Variants in ULK4 observed in about 807,000 individuals in gnomAD.
ULK4 encodes the protein inactive serine/threonine-protein kinase ULK4.
ULK4 carries 133 observed loss-of-function variants against 160.6 expected under a neutral mutation model. That is an observed-to-expected ratio of 0.83 (90% CI 0.72 to 0.96). ULK4 has a LOEUF of 0.96. ULK4 is among the 40% of genes least tolerant of loss of function. The pLI is 0.00. For synonymous variants in ULK4, 534 were observed against 539.8 expected (o/e 0.99, Z 0.15); for missense variants, 1,580 against 1,499.5 (o/e 1.05, Z -0.89).
chr3:41,481,549 C>T (rs1329967520), intron 32 of ULK4, among the ~76,000 whole-genome samples: 15 of 152,086 alleles, frequency 9.9e-5, no homozygotes, highest in Non-Finnish European at 4.4e-5. Flanking sequence ...CATTCCTGGC[C>T]GGGCGCGGTG....
At chr3:41,423,216 G>A (rs1055586303) in intron 34 of ULK4, among the ~76,000 whole-genome samples, 2 of 152,126 alleles carry the variant, frequency 1.3e-5, no homozygotes, top group Non-Finnish European at 2.9e-5. Context: ...GTAAACAGGG[G>A]TTACACTGGG....
chr3:41,284,889 A>C (rs927932406), intron 35 of ULK4, among the ~76,000 whole-genome samples: 1 of 152,204 alleles, frequency 6.6e-6, no homozygotes. Context: ...CACTCAAACA[A>C]ATCAGTATGA....
Position 41,285,377 on chromosome 3 carries a change from G to GTA in ULK4, c.3679-35805_3679-35804dup, listed in dbSNP as rs751335514. 6.6e-3 allele frequency among the ~76,000 whole-genome samples: 998 copies of GTA among 151,658 alleles called. 7 individuals carry two copies. The highest frequency in any genetic ancestry group is 0.021 in the African/African-American group (889 of 41,390). ...TCAACGAGTGGATAAAGAAACTGTG[G>GTA]TATATATATATATGATGGAATACTA... On this transcript the variant is annotated intron_variant, in intron 35 of 36. Transcript: ENST00000301831.
chr3:41,766,181 T>C (rs1200802728), intron 21 of ULK4, among the ~76,000 whole-genome samples: 2 of 151,682 alleles, frequency 1.3e-5, no homozygotes, highest in South Asian at 4.2e-4. Context: ...AGGCAGAGAA[T>C]TGCTTGAACC....
chr3:41,817,239 C>T (rs7648578), intron 19 of ULK4, among the ~76,000 whole-genome samples: 48,017 of 152,052 alleles, frequency 0.32, 11,167 homozygotes, highest in African/African-American at 0.66. Flanking sequence ...ATTCCATTTA[C>T]ATAGAGTTCA....
intron 35 of ULK4, among the ~76,000 whole-genome samples, chr3:41,355,038 A>C (rs2081000886): frequency 6.6e-6 from 1 of 152,220 alleles, no homozygotes; most frequent in Admixed American, 6.5e-5. Flanking sequence ...ACTGGAAAGT[A>C]GCTAGAAAAC....
intron 31 of ULK4, among the ~76,000 whole-genome samples, chr3:41,580,712 G>A (rs917998050): frequency 6.6e-6 from 1 of 152,150 alleles, no homozygotes; most frequent in Non-Finnish European, 1.5e-5. Context: ...CCTCATCCGG[G>A]TGCACAGCTG....
At chr3:41,480,876 A>T (rs1409589228) in intron 32 of ULK4, among the ~76,000 whole-genome samples, 1 of 152,156 alleles carries the variant, frequency 6.6e-6, no homozygotes, top group Non-Finnish European at 1.5e-5. Flanking sequence ...TTATAAAACC[A>T]TCAGATCTCA....
intron 17 of ULK4, among the ~76,000 whole-genome samples, chr3:41,882,725 A>G (rs1380483941): frequency 2.0e-5 from 3 of 152,218 alleles, no homozygotes; most frequent in African/African-American, 7.2e-5. Flanking sequence ...CTGACGATGC[A>G]GGAACATCCT....
chr3:41,389,678 T>C (rs1175312965), intron 35 of ULK4, among the ~76,000 whole-genome samples: 2 of 152,214 alleles, frequency 1.3e-5, no homozygotes, highest in African/African-American at 4.8e-5. Context: ...TTATGTTTAT[T>C]GATTTGCCTA....
chr3:41,804,296 G>C (rs963616620), intron 19 of ULK4, among the ~76,000 whole-genome samples: 1 of 152,164 alleles, frequency 6.6e-6, no homozygotes, highest in African/African-American at 2.4e-5. Flanking sequence ...TTTGAGAAGT[G>C]TCTGTTCATG....
intron 12 of ULK4, among the ~76,000 whole-genome samples, chr3:41,903,681 C>T (rs558717220): frequency 1.6e-4 from 24 of 151,358 alleles, no homozygotes; most frequent in African/African-American, 5.1e-4. Context: ...AATGTATGCA[C>T]GAATGCCATA....
intron 30 of ULK4, among the ~76,000 whole-genome samples, chr3:41,629,086 C>A (rs1195675050): frequency 6.6e-6 from 1 of 152,172 alleles, no homozygotes; most frequent in Non-Finnish European, 1.5e-5. Flanking sequence ...CCTTTTGCTG[C>A]ATAACTAGCT....
chr3:41,751,896 A>T (rs2038644439), intron 22 of ULK4, among the ~76,000 whole-genome samples: 1 of 152,186 alleles, frequency 6.6e-6, no homozygotes, highest in Non-Finnish European at 1.5e-5. Flanking sequence ...GGCTTAGTGT[A>T]TTCAAAATGC....
At chr3:41,860,097 CTTGATA>C (rs1231118212) in intron 17 of ULK4, among the ~76,000 whole-genome samples, 1 of 152,076 alleles carries the variant, frequency 6.6e-6, no homozygotes, top group African/African-American at 2.4e-5. Flanking sequence ...AGAAAAGAGG[CTTGATA>C]TTATTTCAAT....
At chr3:41,687,387 A>T (rs548079306) in intron 27 of ULK4, among the ~76,000 whole-genome samples, 138 of 151,960 alleles carry the variant, frequency 9.1e-4, no homozygotes, top group Non-Finnish European at 1.7e-3. Context: ...AAAAAAAAAA[A>T]TTAATTAAAC....
intron 35 of ULK4, among the ~76,000 whole-genome samples, chr3:41,307,159 TAAA>T (rs61521129): frequency 5.6e-4 from 71 of 126,150 alleles, no homozygotes; most frequent in African/African-American, 1.2e-3. Context: ...ATAAATAAAT[TAAA>T]AAAAAAAAAA....
chr3:41,275,154 C>T (rs533362780), intron 35 of ULK4, among the ~76,000 whole-genome samples: 7 of 152,234 alleles, frequency 4.6e-5, no homozygotes, highest in African/African-American at 1.4e-4. Context: ...CTATTACTTC[C>T]CATAAAGAAT....
At position 41,774,156 on chromosome 3, in the gene ULK4, G is replaced by C. The variant is rs548074744; in HGVS notation, c.2193+15505C>G. ...CTAGGCATTACCATTCAGGACATAGGCATGGGCAAGGACTTCATGTCTAAA... is the reference window on the plus strand; with the variant it reads ...CTAGGCATTACCATTCAGGACATAGCCATGGGCAAGGACTTCATGTCTAAA... On this transcript the variant is annotated intron_variant, in intron 21 of 36. Transcript: ENST00000301831. 2.0e-5 allele frequency among the ~76,000 whole-genome samples: 3 copies of C among 152,044 alleles called. No homozygotes were observed. The South Asian group carries it at 6.2e-4, about 32-fold the overall frequency.
Sources: allele counts gnomAD v4.1 joint callset (sites outside exome capture counted in the v4.1 genomes callset), GRCh38; gene constraint gnomAD v4.1.1; transcripts MANE v1.5; gene names NCBI Gene and HGNC (gene_info 2026-07-23, HGNC 2026-07-21).